Variants in DIAPH2 observed in about 807,000 individuals in gnomAD.
The protein encoded by DIAPH2 is protein diaphanous homolog 2.
Under a neutral mutation model 92.7 loss-of-function variants are expected in DIAPH2, and 35 were observed. The observed-to-expected ratio is 0.38, with a 90% CI of 0.29 to 0.50. The LOEUF (loss-of-function observed/expected upper bound fraction) is 0.50. Ranked by LOEUF, DIAPH2 falls within the 20% of genes least tolerant of loss-of-function variation. The pLI is 0.94. For synonymous variants in DIAPH2, 301 were observed against 280.4 expected (o/e 1.07, Z -0.73); for missense variants, 701 against 819.5 (o/e 0.86, Z 1.77).
At chrX:96,954,333 A>T (rs2065796084) in intron 15 of DIAPH2, 1 of 112,599 alleles carries the variant, frequency 8.9e-6, no homozygotes, top group Admixed American at 9.4e-5. Flanking sequence ...ATATATATTT[A>T]TCTAGCAAAG....
At chrX:96,923,597 A>T (rs2065560844) in intron 9 of DIAPH2, among the ~76,000 whole-genome samples, 1 of 111,690 alleles carries the variant, frequency 9.0e-6, no homozygotes, top group South Asian at 3.8e-4. Flanking sequence ...TTTTACATCC[A>T]CAGCAGACTA....
At position 96,918,645 on chromosome X, in the gene DIAPH2, C is replaced by A. The variant is rs187748363; in HGVS notation, c.978+28C>A. On this transcript the variant is annotated intron_variant, in intron 9 of 26. Coordinates refer to ENST00000324765, the MANE Select transcript of DIAPH2 (RefSeq NM_006729.5). The stretch of plus-strand genomic sequence containing the variant: ...GAGTTAGTTTTGTCTTAAATTGCTT[C>A]TAGAGTTATATTTAGAGTACTCATT... The A allele has an allele frequency of 4.9e-6, 5 of 1,013,163 alleles. No homozygotes were observed. The East Asian group carries it at 1.6e-4, about 32-fold the overall frequency. The allele number at this position is 1,013,163 out of a possible 1,213,427, so 83.5% of individuals were successfully genotyped here.
At chrX:96,875,943 C>T (rs2065175486) in intron 4 of DIAPH2, among the ~76,000 whole-genome samples, 1 of 111,161 alleles carries the variant, frequency 9.0e-6, no homozygotes, top group Non-Finnish European at 1.9e-5. Context: ...AGCTTCTGCA[C>T]CGCAAAAGAA....
intron 17 of DIAPH2, among the ~76,000 whole-genome samples, chrX:97,025,426 C>T (rs748307907): frequency 1.8e-5 from 2 of 108,363 alleles, no homozygotes; most frequent in African/African-American, 6.7e-5. Context: ...CTGAGGCGGG[C>T]GGATCACGAG....
At chrX:97,052,396 A>G (rs1276831852) in intron 17 of DIAPH2, among the ~76,000 whole-genome samples, 1 of 110,998 alleles carries the variant, frequency 9.0e-6, no homozygotes, top group Non-Finnish European at 1.9e-5. Context: ...TTCGTGTTGG[A>G]GATGGGGGAA....
At chrX:97,088,432 T>G (rs149163624) in intron 19 of DIAPH2, among the ~76,000 whole-genome samples, 1,790 of 112,519 alleles carry the variant, frequency 0.016, 47 homozygotes, top group African/African-American at 0.055. Context: ...CATTCTGAGC[T>G]GTATCATAAG....
At chrX:97,034,986 C>T (rs150949019) in intron 17 of DIAPH2, among the ~76,000 whole-genome samples, 4,545 of 111,870 alleles carry the variant, frequency 0.041, 237 homozygotes, top group African/African-American at 0.14. Context: ...TATACACTTA[C>T]AAAACATATC....
intron 4 of DIAPH2, among the ~76,000 whole-genome samples, chrX:96,818,226 A>G (rs1435629672): frequency 9.2e-6 from 1 of 108,486 alleles, no homozygotes; most frequent in Non-Finnish European, 1.9e-5. Context: ...TGATCAGCCC[A>G]CCTCGGCCTC....
chrX:96,901,532 G>GGTTTT (rs1385495351), intron 5 of DIAPH2, among the ~76,000 whole-genome samples: 1 of 33,083 alleles, frequency 3.0e-5, no homozygotes, highest in African/African-American at 1.0e-4. Flanking sequence ...TTTTCTTTCT[G>GGTTTT]TTTTTTTTTT....
chrX:96,750,364 C>T (rs1281270122), intron 3 of DIAPH2, among the ~76,000 whole-genome samples: 1 of 111,581 alleles, frequency 9.0e-6, no homozygotes, highest in African/African-American at 3.3e-5. Context: ...TTGAAATAAC[C>T]AGAAATATCT....
chrX:97,027,794 A>G (rs1260310286), intron 17 of DIAPH2, among the ~76,000 whole-genome samples: 1 of 112,376 alleles, frequency 8.9e-6, no homozygotes, highest in Non-Finnish European at 1.9e-5. Flanking sequence ...TTACATAAAG[A>G]GCAGCATTCC....
chrX:96,698,552 A>G (rs999735889), intron 1 of DIAPH2, among the ~76,000 whole-genome samples: 1 of 110,902 alleles, frequency 9.0e-6, no homozygotes, highest in African/African-American at 3.3e-5. Flanking sequence ...GCCAGACAAT[A>G]TGGAAGTGCA....
At chrX:97,385,446 T>TCGAACTGGTCAGGTCTCGAACTGTGTCA (rs2069590407) in intron 25 of DIAPH2, among the ~76,000 whole-genome samples, 1 of 111,061 alleles carries the variant, frequency 9.0e-6, no homozygotes, top group Non-Finnish European at 1.9e-5. Flanking sequence ...TTGACCAGGC[T>TCGAACTGGTCAGGTCTCGAACTGTGTCA]GGTCTCGAAC....
rs188323333 is a variant in DIAPH2, at chrX:96,781,035, G to A, written c.447+22777G>A. ...TTGGTCAAGCTGGTCTCAAACTGCC[G>A]ACCTCAGGCGATCTGCCTGCCTCTG... On this transcript the variant is annotated intron_variant, in intron 4 of 26. Coordinates refer to ENST00000324765, the MANE Select transcript of DIAPH2 (RefSeq NM_006729.5). 3.5e-4 allele frequency among the ~76,000 whole-genome samples: 38 copies of A among 108,231 alleles called. No homozygotes were observed. The East Asian group carries it at 0.011, about 30-fold the overall frequency. The allele number at this position is 108,231 out of a possible 115,157, so 94.0% of individuals were successfully genotyped here.
At chrX:97,519,901 C>A (rs1423999619) in intron 26 of DIAPH2, among the ~76,000 whole-genome samples, 1 of 109,910 alleles carries the variant, frequency 9.1e-6, no homozygotes. Flanking sequence ...TTAGTAGAGA[C>A]GGGTTTTCAC....
intron 4 of DIAPH2, among the ~76,000 whole-genome samples, chrX:96,844,769 C>T (rs2064960241): frequency 9.0e-6 from 1 of 111,312 alleles, no homozygotes; most frequent in East Asian, 2.8e-4. Context: ...GGATATTTAG[C>T]ATATTGCAGA....
intron 1 of DIAPH2, among the ~76,000 whole-genome samples, chrX:96,685,574 A>G (rs1267847021): frequency 1.8e-5 from 2 of 112,361 alleles, no homozygotes; most frequent in Non-Finnish European, 3.8e-5. Flanking sequence ...CCTAACGCGT[A>G]GGGTCCGGGG....
At chrX:97,123,737 T>C (rs867978828) in intron 21 of DIAPH2, among the ~76,000 whole-genome samples, 4 of 112,566 alleles carry the variant, frequency 3.6e-5, no homozygotes, top group South Asian at 3.7e-4. Flanking sequence ...GTTTATCTTC[T>C]TTAAAATGCA....
chrX:97,118,733 T>C (rs1389705622), intron 21 of DIAPH2, among the ~76,000 whole-genome samples: 1 of 111,958 alleles, frequency 8.9e-6, no homozygotes, highest in Non-Finnish European at 1.9e-5. Context: ...AAGGAATCTT[T>C]GGTGATTGGG....
Sources: gnomAD v4.1 joint callset for allele counts (sites outside exome capture counted in the v4.1 genomes callset) on GRCh38, gnomAD v4.1.1 for gene constraint, MANE v1.5 for transcripts, NCBI Gene and HGNC (gene_info 2026-07-23, HGNC 2026-07-21) for gene names.